Variants in FLNC observed in about 807,000 individuals in gnomAD.
FLNC encodes the protein filamin C.
In FLNC, 91 loss-of-function variants were observed where a neutral mutation model predicts 254.3. The observed-to-expected ratio is 0.36, with a 90% CI of 0.30 to 0.43. The LOEUF is 0.43. Among genes scored for constraint, FLNC ranks in the 20% least tolerant of loss-of-function variants. The pLI is 1.00. For missense variants in FLNC, 2,853 were observed against 3,802.6 expected (o/e 0.75, Z 6.57); for synonymous variants, 1,430 against 1,577.2 (o/e 0.91, Z 2.21).
In FLNC at chr7:128,848,402, T is replaced by C. The variant is rs34692078; in HGVS notation, c.4581-159T>C. On this transcript the variant is annotated intron_variant, in intron 26 of 47. Coordinates refer to ENST00000325888, the MANE Select transcript of FLNC (RefSeq NM_001458.5). ...CCCAGAGTGCCCCCACCCCCAGACA[T>C]GGAATGTCATCGGCTTCTGGGAACT... Among the ~76,000 whole-genome samples, 45,867 of 151,774 alleles carry C rather than the reference T, an allele frequency of 0.3. 9,695 individuals carry two copies. The highest frequency in any genetic ancestry group is 0.59 in the African/African-American group (24,539 of 41,332).
chr7:128,837,772 G>A lies in FLNC; in HGVS notation c.969+17G>A. The A allele has an allele frequency of 6.4e-7, 1 of 1,552,928 alleles. No individual in the cohort carries two copies. Among genetic ancestry groups the A allele is most frequent in the Non-Finnish European group, 8.7e-7 (1 of 1,146,376 alleles). Reference sequence around the variant, plus strand: ...ACCGAGGAGGTATGCAGAGGCCGCTGGGGACAGAGGGATTCACTTGGGATT... The same window carrying A: ...ACCGAGGAGGTATGCAGAGGCCGCTAGGGACAGAGGGATTCACTTGGGATT... On this transcript the variant is annotated intron_variant, in intron 5 of 47. Coordinates refer to ENST00000325888, the MANE Select transcript of FLNC (RefSeq NM_001458.5).
Position 128,849,170 on chromosome 7 carries a change from T to C in FLNC, c.4928-11T>C. The C allele has an allele frequency of 1.2e-6, 2 of 1,612,820 alleles. No homozygotes were observed. Among genetic ancestry groups the C allele is most frequent in the African/African-American group, 1.3e-5 (1 of 74,944 alleles). Reference sequence around the variant, plus strand: ...AGCACCGCCTGGCCTCACACTCTTCTCTCTTTCCAGTGTCCATTGGAGGCC... The same window carrying C: ...AGCACCGCCTGGCCTCACACTCTTCCCTCTTTCCAGTGTCCATTGGAGGCC... On this transcript the variant is annotated splice_polypyrimidine_tract_variant and intron_variant, in intron 28 of 47. Transcript: ENST00000325888.
At chr7:128,832,925 G>A (rs1157995211) in intron 1 of FLNC, among the ~76,000 whole-genome samples, 3 of 152,196 alleles carry the variant, frequency 2.0e-5, no homozygotes, top group Admixed American at 6.5e-5. Context: ...ATTTAGTGGT[G>A]GAAAGGGGCT....
Position 128,846,284 on chromosome 7 carries a change from CT to C in FLNC, c.3965-16del. 1 of 1,613,778 alleles carries C rather than the reference CT, an allele frequency of 6.2e-7. No homozygotes were observed. The highest frequency in any genetic ancestry group is 8.5e-7 in the Non-Finnish European group (1 of 1,179,918). On this transcript the variant is annotated splice_polypyrimidine_tract_variant and intron_variant, in intron 22 of 47. Coordinates refer to ENST00000325888, the MANE Select transcript of FLNC (RefSeq NM_001458.5). ...GGCGCACACTCCCTGATTGATGCCCCTGTGGCTGGCTTCCAGGCGTGCATCT... is the reference window on the plus strand; with the variant it reads ...GGCGCACACTCCCTGATTGATGCCCCGTGGCTGGCTTCCAGGCGTGCATCT...
In FLNC at chr7:128,852,550, C is replaced by T. The variant is rs763744533; in HGVS notation, c.5843-41C>T. The T allele has an allele frequency of 3.1e-6, 5 of 1,611,640 alleles. No individual in the cohort carries two copies. The South Asian group carries it at 4.4e-5, about 14-fold the overall frequency. Reference sequence around the variant, plus strand: ...CTGAGCCCTGTGAGGGCAGGGCCTGCCTGGAGTCATAGCAGCCTGATGCCC... The same window carrying T: ...CTGAGCCCTGTGAGGGCAGGGCCTGTCTGGAGTCATAGCAGCCTGATGCCC... On this transcript the variant is annotated intron_variant, in intron 35 of 47. Coordinates refer to ENST00000325888, the MANE Select transcript of FLNC (RefSeq NM_001458.5).
At chr7:128,838,112 G>A in intron 6 of FLNC, 48 bp downstream of exon 6, 1 of 1,565,016 alleles carries the variant, frequency 6.4e-7, no homozygotes, top group South Asian at 1.1e-5. Context: ...CACATCCTTG[G>A]TTCCGGCTGC....
chr7:128,854,161 C>A lies in FLNC; in HGVS notation c.6672C>A (p.Asp2224Glu). The A allele has an allele frequency of 6.2e-7, 1 of 1,611,214 alleles. No individual in the cohort carries two copies. The highest frequency in any genetic ancestry group is 2.2e-5 in the East Asian group (1 of 44,812). ...ACCCCTTCCCTGCTGTGTTTGGGGA[C>A]TTCCTGGGCCGGGAGCGCCTGGGAT... ...GGDPFPAVFG[D>E]FLGRERLGSF... is the part of the protein sequence containing the mutation. Residue 2224 changes from aspartate (D) to glutamate (E), a missense_variant, in exon 40 of 48, where the codon GAC becomes GAA. Physicochemically the swap from Asp to Glu is conservative, Grantham distance 45 (BLOSUM62 2). Coordinates refer to ENST00000325888, the MANE Select transcript of FLNC (RefSeq NM_001458.5).
intron 1 of FLNC, among the ~76,000 whole-genome samples, chr7:128,833,449 G>T (rs969027102): frequency 9.2e-5 from 14 of 152,200 alleles, no homozygotes; most frequent in African/African-American, 2.7e-4. Context: ...CCTGGCCTCC[G>T]AGAGGGAGGA....
intron 24 of FLNC, among the ~76,000 whole-genome samples, chr7:128,847,277 C>G (rs937739953): frequency 5.3e-5 from 8 of 152,262 alleles, no homozygotes; most frequent in Admixed American, 4.6e-4. Flanking sequence ...AACTCCCCTG[C>G]CCTCTGCAGA....
intron 9 of FLNC, 116 bp downstream of exon 9, chr7:128,840,276 C>G (rs1808275453): frequency 3.2e-6 from 4 of 1,260,780 alleles, no homozygotes; most frequent in African/African-American, 2.9e-5. Flanking sequence ...TCCACAGTGA[C>G]CAGAGGCACC....
chr7:128,844,354 T>C (rs1808466952), intron 20 of FLNC, 88 bp downstream of exon 20: 4 of 1,458,212 alleles, frequency 2.7e-6, no homozygotes. Context: ...CAGAGGGACT[T>C]ATGTGCCTGG....
chr7:128,843,189 T>C (rs1237767126), intron 16 of FLNC, 40 bp from the exon 17 acceptor site: 1 of 1,530,142 alleles, frequency 6.5e-7, no homozygotes, highest in African/African-American at 1.4e-5. Flanking sequence ...CAGGGGTGTG[T>C]TCCCCTCGAG....
chr7:128,843,703 T>C, intron 18 of FLNC, 93 bp from the exon 19 acceptor site: 5 of 1,491,100 alleles, frequency 3.4e-6, no homozygotes, highest in Non-Finnish European at 4.7e-6. Flanking sequence ...CTCACTCTCA[T>C]GGTGGATCTG....
chr7:128,849,692 T>C, intron 30 of FLNC, 114 bp downstream of exon 30: 2 of 1,387,106 alleles, frequency 1.4e-6, no homozygotes, highest in Non-Finnish European at 2.0e-6. Flanking sequence ...CTCTGAGGGC[T>C]CCTGGGGCCA....
At chr7:128,837,374 T>G (rs2128934138) in intron 3 of FLNC, 24 bp from the exon 4 acceptor site, 1 of 1,613,906 alleles carries the variant, frequency 6.2e-7, no homozygotes, top group Non-Finnish European at 8.5e-7. Flanking sequence ...GGGCGCCATG[T>G]GACATCACTC....
In FLNC at chr7:128,837,631, C is replaced by T; in HGVS notation, c.851-6C>T. The T allele has an allele frequency of 6.2e-7, 1 of 1,612,710 alleles. No homozygotes were observed. Among genetic ancestry groups the T allele is most frequent in the Non-Finnish European group, 8.5e-7 (1 of 1,180,010 alleles). On this transcript the variant is annotated splice_polypyrimidine_tract_variant and splice_region_variant and intron_variant, in intron 4 of 47. Coordinates refer to ENST00000325888, the MANE Select transcript of FLNC (RefSeq NM_001458.5). ...GAGTAACCTGGGCTCTGCTCCTGCC[C>T]CGTAGGCATCGAGCCACAGGGCAAC...
At position 128,842,084 on chromosome 7, in the gene FLNC, CCTGGGCTCTGGTGGCCTCAG is replaced by C; in HGVS notation, c.2122-146_2122-127del. 2.4e-6 allele frequency: 2 copies of C among 823,386 alleles called. No individual in the cohort carries two copies. The highest frequency in any genetic ancestry group is 4.0e-6 in the Non-Finnish European group (2 of 505,634). The allele number at this position is 823,386 out of a possible 1,614,324, so 51.0% of individuals were successfully genotyped here. A position where few individuals can be genotyped will look rare whatever the true frequency, so the allele number is the denominator to read the frequency against. On this transcript the variant is annotated intron_variant, in intron 13 of 47. Transcript: ENST00000325888. The surrounding 1 kb of genome is among the most constrained non-coding windows in gnomAD (Gnocchi z 5.4). ...GGCTCTGGCCGCCAGAGCACGTGGC[CCTGGGCTCTGGTGGCCTCAG>C]TGGCTGGTGTGGGGGCGGGAGTGCC... is the stretch of plus-strand genomic sequence containing the variant.
At position 128,854,502 on chromosome 7, in the gene FLNC, G is replaced by A. The variant is rs372251350; in HGVS notation, c.6817G>A (p.Ala2273Thr). Residue 2273 changes from alanine (A) to threonine (T), a missense_variant, in exon 41 of 48, where the codon GCC (alanine) becomes ACC (threonine). Around this residue, in one of 10 missense-constraint regions of FLNC, gnomAD observed 551 missense variants for 835.0 expected, o/e 0.66. Transcript: ENST00000325888. ...AAEIVEGEDS[A>T]YSVRFVPQEM... Reference sequence around the variant, plus strand: ...AGAGATCGTCGAGGGCGAGGACAGCGCCTACAGCGTGCGCTTTGTGCCCCA... The same window carrying A: ...AGAGATCGTCGAGGGCGAGGACAGCACCTACAGCGTGCGCTTTGTGCCCCA... 1.2e-4 allele frequency: 190 copies of A among 1,605,088 alleles called. No homozygotes were observed. The highest frequency in any genetic ancestry group is 3.9e-4 in the South Asian group (35 of 89,628).
intron 23 of FLNC, 117 bp downstream of exon 23, chr7:128,846,580 C>A: frequency 1.4e-6 from 2 of 1,431,336 alleles, no homozygotes; most frequent in Non-Finnish European, 1.9e-6. Context: ...AGGGGTGAGG[C>A]AGGAGCAGAC....
Sources: gnomAD v4.1 joint callset for allele counts (sites outside exome capture counted in the v4.1 genomes callset) on GRCh38, gnomAD v4.1.1 for gene constraint, gnomAD v4.1.1 regional missense constraint, Gnocchi (gnomAD v3.1) non-coding constraint, MANE v1.5 for transcripts, NCBI Gene and HGNC (gene_info 2026-07-23, HGNC 2026-07-21) for gene names.